OLR1: variants seen among roughly 807,000 people sequenced by gnomAD.
OLR1 encodes oxidized low-density lipoprotein receptor 1.
A neutral mutation model predicts 31.7 loss-of-function variants in OLR1; 23 were observed. The observed-to-expected ratio is 0.72, with a 90% CI of 0.52 to 1.03. The LOEUF (loss-of-function observed/expected upper bound fraction) is 1.03. OLR1 is among the 50% of genes least tolerant of loss of function. The pLI is 0.00. For missense variants in OLR1, 286 were observed against 315.7 expected (o/e 0.91, Z 0.71); for synonymous variants, 117 against 115.8 (o/e 1.01, Z -0.07).
chr12:10,167,095 A>C (rs1304626782), intron 2 of OLR1, 138 bp from the exon 3 acceptor site: 1 of 778,074 alleles, frequency 1.3e-6, no homozygotes, highest in Non-Finnish European at 2.0e-6. Flanking sequence ...ATTTACTCAG[A>C]AGTTACAGAT....
intron 3 of OLR1, among the ~76,000 whole-genome samples, chr12:10,162,095 A>T (rs1165685432): frequency 6.6e-6 from 1 of 152,118 alleles, no homozygotes; most frequent in African/African-American, 2.4e-5. Context: ...AACCAAAAAC[A>T]GGACTTAGAC....
chr12:10,165,833 A>C (rs570321965), intron 3 of OLR1, among the ~76,000 whole-genome samples: 1 of 152,292 alleles, frequency 6.6e-6, no homozygotes, highest in Non-Finnish European at 1.5e-5. Context: ...TAAAGAAGGA[A>C]AACTTAAATC....
intron 2 of OLR1, among the ~76,000 whole-genome samples, chr12:10,167,821 T>A (rs137866247): frequency 6.6e-6 from 1 of 151,970 alleles, no homozygotes; most frequent in Non-Finnish European, 1.5e-5. Flanking sequence ...GAAGATAAAG[T>A]GAAGGTTGTG....
chr12:10,162,978 C>T (rs1224682195), intron 3 of OLR1, among the ~76,000 whole-genome samples: 9 of 136,088 alleles, frequency 6.6e-5, no homozygotes, highest in African/African-American at 2.7e-4. Flanking sequence ...TGTGTGTGTA[C>T]ACAAAAATAA....
upstream of OLR1, among the ~76,000 whole-genome samples, chr12:10,173,422 C>T (rs1449473987): frequency 6.6e-6 from 1 of 152,064 alleles, no homozygotes; most frequent in Non-Finnish European, 1.5e-5. Context: ...AATTAGGATT[C>T]CATTTCCCTC....
At chr12:10,174,884 A>G (rs1307731568), upstream of OLR1, among the ~76,000 whole-genome samples, 1 of 152,244 alleles carries the variant, frequency 6.6e-6, no homozygotes, top group Non-Finnish European at 1.5e-5. Flanking sequence ...GTCTTCAACA[A>G]TTATCAATGT....
At position 10,169,179 on chromosome 12, in the gene OLR1, G is replaced by C. The variant is rs894677998; in HGVS notation, c.77-4C>G. 3.8e-6 allele frequency: 6 copies of C among 1,599,012 alleles called. No homozygotes were observed. Among genetic ancestry groups the C allele is most frequent in the Non-Finnish European group, 5.1e-6 (6 of 1,172,000 alleles). The stretch of plus-strand genomic sequence containing the variant: ...GGAGAGTAAAGAAACTGAAGACCTA[G>C]AGTGACAGAGGATAGAATCAGAAAG... On this transcript the variant is annotated splice_polypyrimidine_tract_variant and splice_region_variant and intron_variant, in intron 1 of 5. Transcript: ENST00000309539.
At chr12:10,174,222 G>A (rs1356050813), upstream of OLR1, among the ~76,000 whole-genome samples, 2 of 151,920 alleles carry the variant, frequency 1.3e-5, no homozygotes, top group African/African-American at 2.4e-5. Flanking sequence ...CACCCCTCCC[G>A]GCTAATTGTT....
chr12:10,172,302 G>C (rs1015157284), upstream of OLR1: 1 of 452,348 alleles, frequency 2.2e-6, no homozygotes, highest in Non-Finnish European at 4.0e-6. Context: ...TGATTCTGAA[G>C]GTGTTTCAGG....
At chr12:10,172,627 G>A (rs1029960178), upstream of OLR1, among the ~76,000 whole-genome samples, 5 of 152,170 alleles carry the variant, frequency 3.3e-5, no homozygotes, top group Admixed American at 2.0e-4. Context: ...TCCAGCGATG[G>A]TGTGTCCTGG....
intron 2 of OLR1, 60 bp from the exon 3 acceptor site, chr12:10,167,017 T>C: frequency 6.6e-7 from 1 of 1,508,936 alleles, no homozygotes; most frequent in Non-Finnish European, 9.0e-7. Context: ...CTCCAGGGAC[T>C]TTTTGAGGAA....
rs1240886385 is a variant in OLR1, at chr12:10,169,194, G to C, written c.77-19C>G. 2 of 1,563,226 alleles carry C rather than the reference G, an allele frequency of 1.3e-6. No individual in the cohort carries two copies. The highest frequency in any genetic ancestry group is 1.7e-6 in the Non-Finnish European group (2 of 1,143,478). ...TGAAGACCTAGAGTGACAGAGGATA[G>C]AATCAGAAAGACAAAAAAGAGTGAA... On this transcript the variant is annotated intron_variant, in intron 1 of 5. Transcript: ENST00000309539.
chr12:10,159,179 A>G lies in OLR1; in HGVS notation c.*701T>C, dbSNP rs1948598603. ...AATCTGTCCTCTGGTAGAAAAAAAA[A>G]TGAAGAAATAATAACTGATTCAGGA... On this transcript the variant is annotated 3_prime_UTR_variant, in exon 6 of 6. Coordinates refer to ENST00000309539, the MANE Select transcript of OLR1 (RefSeq NM_002543.4). 6.6e-6 allele frequency: 1 copy of G among 152,172 alleles called. No homozygotes were observed. The highest frequency in any genetic ancestry group is 2.1e-4 in the South Asian group (1 of 4,830). 9.4% of individuals were successfully genotyped at this position (152,172 alleles called of 1,614,324 possible). A position where few individuals can be genotyped will look rare whatever the true frequency, so the allele number is the denominator to read the frequency against.
Position 10,160,045 on chromosome 12 carries a change from AAACC to A in OLR1, c.681-28_681-25del, listed in dbSNP as rs755576578. 649 of 1,582,324 alleles carry A rather than the reference AAACC, an allele frequency of 4.1e-4. 2 individuals carry two copies. Among genetic ancestry groups the A allele is most frequent in the Middle Eastern group, 3.7e-3 (22 of 5,926 alleles). ...ATCTGCAGGTAGGAAAAAACAAAAC[AAACC>A]AACAAAAAAACTTAGGTTTACTGCC... On this transcript the variant is annotated intron_variant, in intron 5 of 5. Transcript: ENST00000309539.
At chr12:10,161,924 G>T (rs989334364) in intron 3 of OLR1, among the ~76,000 whole-genome samples, 9 of 67,934 alleles carry the variant, frequency 1.3e-4, no homozygotes, top group South Asian at 5.5e-4. Context: ...AAATTTTAAT[G>T]ATATATATAT....
At chr12:10,172,241 G>A (rs1948729036), upstream of OLR1, 1 of 565,076 alleles carries the variant, frequency 1.8e-6, no homozygotes, top group African/African-American at 1.9e-5. Flanking sequence ...ATATTGGGAA[G>A]TTCGCTGACG....
upstream of OLR1, among the ~76,000 whole-genome samples, chr12:10,174,365 T>C (rs1200547564): frequency 6.6e-6 from 1 of 152,214 alleles, no homozygotes; most frequent in Non-Finnish European, 1.5e-5. Flanking sequence ...GCTGGCCTTC[T>C]GTGTCTTCTT....
upstream of OLR1, among the ~76,000 whole-genome samples, chr12:10,173,545 T>A (rs1290901470): frequency 8.4e-6 from 1 of 118,398 alleles, no homozygotes; most frequent in Non-Finnish European, 1.6e-5. Context: ...TTTGGGAAGC[T>A]GAGGGGGGGG....
In OLR1 at chr12:10,164,804, A is replaced by G. The variant is rs572428596; in HGVS notation, c.424+1908T>C. 4.7e-4 allele frequency among the ~76,000 whole-genome samples: 72 copies of G among 152,372 alleles called. 1 individual carries two copies. The highest frequency in any genetic ancestry group is 8.8e-4 in the Non-Finnish European group (60 of 68,032). ...TCAGAGTTCACATCATAGTCTTCTT[A>G]TAGATGCTACTATTTCTGCCTGCCT... On this transcript the variant is annotated intron_variant, in intron 3 of 5. Coordinates refer to ENST00000309539, the MANE Select transcript of OLR1 (RefSeq NM_002543.4).
Sources: gnomAD v4.1 joint callset for allele counts (sites outside exome capture counted in the v4.1 genomes callset) on GRCh38, gnomAD v4.1.1 for gene constraint, MANE v1.5 for transcripts, NCBI Gene and HGNC (gene_info 2026-07-23, HGNC 2026-07-21) for gene names.